The following LAMA2 variants were observed in gnomAD, a reference collection of about 807,000 sequenced individuals.
LAMA2 encodes laminin subunit alpha 2, also known as laminin subunit alpha-2.
In LAMA2, 269 loss-of-function variants were observed where a neutral mutation model predicts 364.8. The observed-to-expected ratio is 0.74, with a 90% CI of 0.67 to 0.82. The LOEUF is 0.82. Ranked by LOEUF, LAMA2 falls within the 40% of genes least tolerant of loss-of-function variation. The pLI, the probability that LAMA2 is intolerant of heterozygous loss-of-function variation, is 0.00. For synonymous variants in LAMA2, 1,379 were observed against 1,370.6 expected, an observed-to-expected ratio of 1.01 and a Z score of -0.14; for missense variants, 3,807 against 3,873.2, an observed-to-expected ratio of 0.98 and a Z score of 0.45.
intron 12 of LAMA2, among the ~76,000 whole-genome samples, chr6:129,227,035 T>C (rs148582368): frequency 1.3e-4 from 20 of 152,326 alleles, no homozygotes; most frequent in African/African-American, 4.8e-4. Context: ...CGTTTCCTTT[T>C]ACTCTTTTTT....
intron 12 of LAMA2, among the ~76,000 whole-genome samples, chr6:129,221,075 T>C (rs1446794331): frequency 6.6e-6 from 1 of 151,098 alleles, no homozygotes; most frequent in African/African-American, 2.4e-5. Flanking sequence ...GGCAGGAGAA[T>C]CGCTTGAACC....
intron 17 of LAMA2, among the ~76,000 whole-genome samples, chr6:129,271,224 T>C (rs964117709): frequency 1.3e-5 from 2 of 152,106 alleles, no homozygotes; most frequent in African/African-American, 4.8e-5. Flanking sequence ...GACTTTTAAG[T>C]ACCCATTCTA....
intron 1 of LAMA2, among the ~76,000 whole-genome samples, chr6:128,944,376 A>T (rs779007426): frequency 6.6e-6 from 1 of 152,222 alleles, no homozygotes; most frequent in Non-Finnish European, 1.5e-5. Flanking sequence ...TCTGTTTACT[A>T]GGTTAAATCT....
intron 28 of LAMA2, among the ~76,000 whole-genome samples, chr6:129,323,253 C>A (rs1184523765): frequency 6.6e-6 from 1 of 152,170 alleles, no homozygotes; most frequent in South Asian, 2.1e-4. Context: ...GTAACATATG[C>A]TTTGGGTCAT....
intron 4 of LAMA2, among the ~76,000 whole-genome samples, chr6:129,116,456 C>G (rs994923460): frequency 2.2e-4 from 34 of 152,056 alleles, no homozygotes; most frequent in African/African-American, 7.7e-4. Flanking sequence ...TTAAGACAGT[C>G]AAAGGAATGT....
At chr6:129,060,515 C>G (rs973889364) in intron 3 of LAMA2, among the ~76,000 whole-genome samples, 2 of 152,180 alleles carry the variant, frequency 1.3e-5, no homozygotes, top group African/African-American at 4.8e-5. Flanking sequence ...AGTTATTAAT[C>G]AGGAATCGCC....
At chr6:129,174,196 A>G (rs1412644784) in intron 9 of LAMA2, among the ~76,000 whole-genome samples, 1 of 152,006 alleles carries the variant, frequency 6.6e-6, no homozygotes, top group Non-Finnish European at 1.5e-5. Context: ...AGAAAAATGT[A>G]TTTGTTTTCT....
chr6:129,213,763 A>G (rs1375531265), intron 12 of LAMA2, among the ~76,000 whole-genome samples: 2 of 152,100 alleles, frequency 1.3e-5, no homozygotes, highest in African/African-American at 4.8e-5. Context: ...GTTTTGGACC[A>G]TATCAGGTAT....
intron 8 of LAMA2, chr6:129,158,515 C>A: frequency 6.2e-7 from 1 of 1,614,058 alleles, no homozygotes; most frequent in South Asian, 1.1e-5. Flanking sequence ...AGTGATTTTC[C>A]AACTGGAATA....
chr6:128,934,523 T>C (rs1003920732), intron 1 of LAMA2, among the ~76,000 whole-genome samples: 1 of 151,910 alleles, frequency 6.6e-6, no homozygotes, highest in Non-Finnish European at 1.5e-5. Flanking sequence ...TTTTCTGAGG[T>C]GGAATTTCCC....
chr6:129,236,801 A>C (rs1194216238), intron 12 of LAMA2, among the ~76,000 whole-genome samples: 5 of 152,134 alleles, frequency 3.3e-5, no homozygotes, highest in African/African-American at 1.2e-4. Flanking sequence ...GAAACATACT[A>C]TACACATTAT....
chr6:129,297,898 ACT>A (rs780878324), intron 21 of LAMA2, 33 bp downstream of exon 21: 3 of 1,579,620 alleles, frequency 1.9e-6, no homozygotes, highest in Non-Finnish European at 2.6e-6. Flanking sequence ...CTACATATTC[ACT>A]CTGATAGTTT....
In LAMA2 at chr6:129,256,690, C is replaced by G. The variant is rs368139658; in HGVS notation, c.2097-4021C>G. Among the ~76,000 whole-genome samples the G allele has an allele frequency of 1.5e-3, 217 of 148,776 alleles. 2 individuals carry two copies. In the Middle Eastern group the frequency reaches 0.029, roughly 20 times the overall value. ...GTATCAGTTTCTGTCAGTTACTGCTCTTACTCGATGTGGGATTGAAAATGT... is the reference window on the plus strand; with the variant it reads ...GTATCAGTTTCTGTCAGTTACTGCTGTTACTCGATGTGGGATTGAAAATGT... On this transcript the variant is annotated intron_variant, in intron 14 of 64. Coordinates refer to ENST00000421865, the MANE Select transcript of LAMA2 (RefSeq NM_000426.4).
At chr6:129,208,692 A>AAAGG (rs1194776514) in intron 12 of LAMA2, among the ~76,000 whole-genome samples, 1 of 135,432 alleles carries the variant, frequency 7.4e-6, no homozygotes, top group African/African-American at 3.0e-5. Context: ...AAAGAAAGAA[A>AAAGG]AAGGAAGGAA....
chr6:129,496,739 G>A (rs1785223032), intron 58 of LAMA2, among the ~76,000 whole-genome samples: 1 of 152,166 alleles, frequency 6.6e-6, no homozygotes, highest in Non-Finnish European at 1.5e-5. Flanking sequence ...GTGCAAAGAT[G>A]AATACGATAT....
At chr6:129,017,546 TTACA>T (rs1785156055) in intron 1 of LAMA2, among the ~76,000 whole-genome samples, 1 of 151,948 alleles carries the variant, frequency 6.6e-6, no homozygotes, top group Non-Finnish European at 1.5e-5. Context: ...TTTATTGATC[TTACA>T]TATATATATA....
intron 1 of LAMA2, among the ~76,000 whole-genome samples, chr6:129,032,642 A>G (rs1786318265): frequency 6.6e-6 from 1 of 152,126 alleles, no homozygotes; most frequent in Non-Finnish European, 1.5e-5. Flanking sequence ...TCTTAAGAAA[A>G]CTCATTATGT....
At chr6:129,177,620 T>C in intron 9 of LAMA2, 86 bp from the exon 10 acceptor site, 1 of 1,373,484 alleles carries the variant, frequency 7.3e-7, no homozygotes, top group East Asian at 2.3e-5. Context: ...CAAAATAGCA[T>C]TTTAAAGGTT....
chr6:129,349,317 G>T lies in LAMA2; in HGVS notation c.4456G>T (p.Ala1486Ser), dbSNP rs372576669. 2 of 1,613,188 alleles carry T rather than the reference G, an allele frequency of 1.2e-6. No homozygotes were observed. The highest frequency in any genetic ancestry group is 1.7e-6 in the Non-Finnish European group (2 of 1,179,468). ...SSNNFSPSCV[A>S]EGLDDYRCTA... ...ATTCAGTTTCAGCCCCTCTTGTGTC[G>T]CAGAAGGACTTGACGACTACCGCTG... The change falls in exon 31 of 65, where the codon GCA becomes TCA. Residue 1486 changes from alanine to serine, a missense_variant. Physicochemically the swap from Ala to Ser is moderately conservative, Grantham distance 99. Coordinates refer to ENST00000421865, the MANE Select transcript of LAMA2 (RefSeq NM_000426.4).
Sources: gnomAD v4.1 joint callset for allele counts (sites outside exome capture counted in the v4.1 genomes callset) on GRCh38, gnomAD v4.1.1 for gene constraint, MANE v1.5 for transcripts, NCBI Gene and HGNC (gene_info 2026-07-23, HGNC 2026-07-21) for gene names.